The following DCHS2 variants were observed in gnomAD, a reference collection of about 807,000 sequenced individuals.
The protein encoded by DCHS2 is dachsous cadherin-related 2.
DCHS2 carries 142 observed loss-of-function variants against 182.4 expected under a neutral mutation model. The observed-to-expected ratio is 0.78, with a 90% CI of 0.68 to 0.89. The LOEUF (loss-of-function observed/expected upper bound fraction) is 0.89, where lower values mean the gene tolerates loss of function less well. DCHS2 is among the 40% of genes least tolerant of loss of function. DCHS2 has a pLI of 0.00. For missense variants in DCHS2, 4,319 were observed against 4,198.6 expected, an observed-to-expected ratio of 1.03 and a Z score of -0.79; for synonymous variants, 1,740 against 1,663.3, an observed-to-expected ratio of 1.05 and a Z score of -1.12.
rs1397648792 is a variant in DCHS2 at position 154,490,382 on chromosome 4, A to G, written c.974T>C (p.Leu325Pro). 6.5e-7 allele frequency: 1 copy of G among 1,534,700 alleles called. No homozygotes were observed. Among genetic ancestry groups the G allele is most frequent in the East Asian group, 2.5e-5 (1 of 40,608 alleles). ...VCRVRATDRD[L>P]GPNGFVRYSV... ...GTAGCGCACGAAGCCATTGGGCCCC[A>G]GGTCGCGGTCGGTGGCGCGCACGCG... The change falls in exon 1 of 20, where the codon CTG (leucine) becomes CCG (proline). Residue 325 changes from leucine to proline, a missense_variant. By Grantham distance (98) the Leu-to-Pro change is moderately conservative. Coordinates refer to ENST00000357232, the MANE Select transcript of DCHS2 (RefSeq NM_001358235.2).
At chr4:154,269,807 A>G (rs1733484926) in intron 14 of DCHS2, 93 bp downstream of exon 14, 3 of 1,465,046 alleles carry the variant, frequency 2.0e-6, no homozygotes, top group South Asian at 2.7e-5. Flanking sequence ...CTTTTAAATT[A>G]CTTAGCTCTA....
intron 3 of DCHS2, among the ~76,000 whole-genome samples, chr4:154,347,750 T>A (rs1487276150): frequency 6.6e-6 from 1 of 151,896 alleles, no homozygotes; most frequent in Non-Finnish European, 1.5e-5. Context: ...GTAGCATCAA[T>A]ACTTCACTGC....
At chr4:154,442,551 A>G (rs1417699371) in intron 1 of DCHS2, among the ~76,000 whole-genome samples, 1 of 72,710 alleles carries the variant, frequency 1.4e-5, no homozygotes, top group Non-Finnish European at 2.6e-5. Flanking sequence ...CCACACACAC[A>G]CACACACACA....
At chr4:154,362,684 C>A (rs1486492251) in intron 3 of DCHS2, among the ~76,000 whole-genome samples, 2 of 152,098 alleles carry the variant, frequency 1.3e-5, no homozygotes, top group Admixed American at 1.3e-4. Flanking sequence ...CTCCTGCCTG[C>A]CCTTTCCTCC....
chr4:154,328,197 C>G lies in DCHS2; in HGVS notation c.3919-5G>C. 1 of 1,599,892 alleles carries G rather than the reference C, an allele frequency of 6.3e-7. No homozygotes were observed. The highest frequency in any genetic ancestry group is 8.5e-7 in the Non-Finnish European group (1 of 1,174,138). ...TACTGGTTGACCTTCCAGAACCTGCCATTAAAACAAACAGCTTACAAATGA... is the reference window on the plus strand; with the variant it reads ...TACTGGTTGACCTTCCAGAACCTGCGATTAAAACAAACAGCTTACAAATGA... On this transcript the variant is annotated splice_region_variant and splice_polypyrimidine_tract_variant and intron_variant, in intron 6 of 19. Coordinates refer to ENST00000357232, the MANE Select transcript of DCHS2 (RefSeq NM_001358235.2).
chr4:154,487,859 C>A (rs1235968439), intron 1 of DCHS2, among the ~76,000 whole-genome samples: 2 of 152,160 alleles, frequency 1.3e-5, no homozygotes, highest in Non-Finnish European at 2.9e-5. Flanking sequence ...AGTCTTGGAA[C>A]TTTGATTATC....
intron 1 of DCHS2, among the ~76,000 whole-genome samples, chr4:154,415,030 A>G (rs1048848385): frequency 6.6e-6 from 1 of 152,166 alleles, no homozygotes; most frequent in Non-Finnish European, 1.5e-5. Context: ...TCACCCCTGT[A>G]ACATACTGTC....
At chr4:154,477,448 G>A (rs997645975) in intron 1 of DCHS2, among the ~76,000 whole-genome samples, 8 of 152,140 alleles carry the variant, frequency 5.3e-5, no homozygotes, top group African/African-American at 1.2e-4. Context: ...GAAAAAGCAC[G>A]GTGCCTTTTT....
intron 1 of DCHS2, among the ~76,000 whole-genome samples, chr4:154,457,969 T>C (rs947718638): frequency 6.6e-6 from 1 of 152,234 alleles, no homozygotes; most frequent in Non-Finnish European, 1.5e-5. Context: ...TGCCTTTTTG[T>C]TTAACTTTTT....
At position 154,320,511 on chromosome 4, in the gene DCHS2, C is replaced by G. The variant is rs765873594; in HGVS notation, c.4888G>C (p.Glu1630Gln). Residue 1630 changes from glutamate to glutamine, a missense_variant, in exon 9 of 20, where the codon GAG (glutamate) becomes CAG (glutamine). Physicochemically the swap from Glu to Gln is conservative, Grantham distance 29. Coordinates refer to ENST00000357232, the MANE Select transcript of DCHS2 (RefSeq NM_001358235.2). ...FISFPNAHVK[E>Q]DVTVGSLVHH... ...ACCAAGGAGCCCACTGTGACATCCT[C>G]TTTGACATGGGCATTGGGGAAAGAA... 10 of 1,613,970 alleles carry G rather than the reference C, an allele frequency of 6.2e-6. No homozygotes were observed. In the African/African-American group the frequency reaches 6.7e-5, roughly 11 times the overall value.
chr4:154,413,578 C>T (rs1202363239), intron 1 of DCHS2, among the ~76,000 whole-genome samples: 2 of 152,210 alleles, frequency 1.3e-5, no homozygotes, highest in Non-Finnish European at 2.9e-5. Context: ...GAAGGCTGAC[C>T]TGTAGGGATG....
intron 1 of DCHS2, among the ~76,000 whole-genome samples, chr4:154,382,425 T>C (rs1579029690): frequency 6.6e-6 from 1 of 152,124 alleles, no homozygotes; most frequent in South Asian, 2.1e-4. Flanking sequence ...ATTCTGGACA[T>C]TGGCCTTGGA....
At chr4:154,401,909 G>C (rs559836956) in intron 1 of DCHS2, among the ~76,000 whole-genome samples, 1 of 152,304 alleles carries the variant, frequency 6.6e-6, no homozygotes, top group East Asian at 1.9e-4. Flanking sequence ...CAAGAGAATC[G>C]CTTGAACCCA....
chr4:154,434,933 C>T (rs1025797563), intron 1 of DCHS2, among the ~76,000 whole-genome samples: 1 of 152,142 alleles, frequency 6.6e-6, no homozygotes, highest in Non-Finnish European at 1.5e-5. Context: ...GAAACTGTCA[C>T]AGACCAGAGG....
At chr4:154,347,569 G>C (rs1294324364) in intron 3 of DCHS2, among the ~76,000 whole-genome samples, 1 of 151,810 alleles carries the variant, frequency 6.6e-6, no homozygotes, top group African/African-American at 2.4e-5. Context: ...GTACTACAAA[G>C]TACTGTAGCA....
At chr4:154,278,994 A>G (rs1447706099) in intron 13 of DCHS2, among the ~76,000 whole-genome samples, 2 of 152,176 alleles carry the variant, frequency 1.3e-5, no homozygotes, top group Non-Finnish European at 2.9e-5. Context: ...TGAAAAAATC[A>G]CTTTTATTCT....
intron 1 of DCHS2, among the ~76,000 whole-genome samples, chr4:154,466,413 A>G (rs1044945118): frequency 6.6e-6 from 1 of 152,210 alleles, no homozygotes. Flanking sequence ...GCCTGCACAC[A>G]GATAGAGTAG....
chr4:154,473,062 G>C (rs78385257), intron 1 of DCHS2, among the ~76,000 whole-genome samples: 1 of 152,114 alleles, frequency 6.6e-6, no homozygotes, highest in South Asian at 2.1e-4. Context: ...TGTGACCCTG[G>C]ATAAGCTACA....
intron 1 of DCHS2, among the ~76,000 whole-genome samples, chr4:154,400,432 G>A (rs1579048285): frequency 6.6e-6 from 1 of 150,754 alleles, no homozygotes; most frequent in Admixed American, 6.7e-5. Flanking sequence ...ACACTCTTCA[G>A]TAACCACCCA....
Sources: allele counts gnomAD v4.1 joint callset (sites outside exome capture counted in the v4.1 genomes callset), GRCh38; gene constraint gnomAD v4.1.1; transcripts MANE v1.5; gene names NCBI Gene and HGNC (gene_info 2026-07-23, HGNC 2026-07-21).